CHL1: variants seen among roughly 807,000 people sequenced by gnomAD.
CHL1 encodes the protein cell adhesion molecule L1 like, also known as neural cell adhesion molecule L1-like protein.
CHL1 carries 96 observed loss-of-function variants against 141.9 expected under a neutral mutation model. The observed-to-expected ratio is 0.68, with a 90% confidence interval of 0.57 to 0.80. CHL1 has a LOEUF of 0.80. CHL1 is among the 30% of genes least tolerant of loss of function. CHL1 has a pLI of 0.00. For missense variants in CHL1, 1,820 were observed against 1,457.2 expected, an observed-to-expected ratio of 1.25 and a Z score of -4.05; for synonymous variants, 613 against 502.2, an observed-to-expected ratio of 1.22 and a Z score of -2.95.
intron 24 of CHL1, among the ~76,000 whole-genome samples, chr3:395,968 G>A (rs1353434084): frequency 6.6e-6 from 1 of 152,148 alleles, no homozygotes; most frequent in African/African-American, 2.4e-5. Context: ...TGTGTGAATG[G>A]TTATGCTCTG....
chr3:319,189 G>T (rs1328941663), intron 2 of CHL1, among the ~76,000 whole-genome samples: 1 of 151,568 alleles, frequency 6.6e-6, no homozygotes, highest in Non-Finnish European at 1.5e-5. Flanking sequence ...TGGACATAAA[G>T]ATAAGAATAA....
At chr3:235,532 C>G (rs972722285) in intron 1 of CHL1, among the ~76,000 whole-genome samples, 1 of 152,110 alleles carries the variant, frequency 6.6e-6, no homozygotes, top group Non-Finnish European at 1.5e-5. Flanking sequence ...AACTTGCCCA[C>G]AATTAACTGG....
At chr3:320,612 A>G (rs1700485375) in intron 3 of CHL1, among the ~76,000 whole-genome samples, 1 of 152,050 alleles carries the variant, frequency 6.6e-6, no homozygotes, top group Non-Finnish European at 1.5e-5. Context: ...GCCTGAGCCC[A>G]GGAGTTCAAG....
intron 14 of CHL1, among the ~76,000 whole-genome samples, chr3:364,289 C>G (rs1026211018): frequency 6.6e-6 from 1 of 152,182 alleles, no homozygotes; most frequent in Non-Finnish European, 1.5e-5. Context: ...CTCAAATACT[C>G]TCCCACAATA....
At chr3:306,704 G>A (rs532650624) in intron 2 of CHL1, among the ~76,000 whole-genome samples, 13 of 152,086 alleles carry the variant, frequency 8.5e-5, no homozygotes, top group African/African-American at 2.9e-4. Context: ...AAAAAATAAT[G>A]CAAAAAATAA....
intron 16 of CHL1, among the ~76,000 whole-genome samples, chr3:380,259 A>G (rs1308009330): frequency 6.6e-6 from 1 of 152,196 alleles, no homozygotes; most frequent in Non-Finnish European, 1.5e-5. Context: ...ACATTTTTTA[A>G]AAAACATGTT....
At chr3:242,850 C>A (rs1288781174) in intron 1 of CHL1, among the ~76,000 whole-genome samples, 1 of 152,184 alleles carries the variant, frequency 6.6e-6, no homozygotes, top group Non-Finnish European at 1.5e-5. Flanking sequence ...TAGCTACAGT[C>A]TCCATGCCTA....
At chr3:268,402 G>GT (rs1456426946) in intron 2 of CHL1, among the ~76,000 whole-genome samples, 2 of 152,078 alleles carry the variant, frequency 1.3e-5, no homozygotes, top group Non-Finnish European at 2.9e-5. Flanking sequence ...AGGCACAGTG[G>GT]TGGGCACCTG....
intron 2 of CHL1, among the ~76,000 whole-genome samples, chr3:250,165 A>G (rs182990537): frequency 4.1e-4 from 63 of 152,000 alleles, no homozygotes; most frequent in African/African-American, 1.3e-3. Flanking sequence ...GGGTCACACT[A>G]TGTTGCCCAG....
At chr3:244,792 A>G (rs150463544) in intron 2 of CHL1, 100 bp downstream of exon 2, 2 of 152,134 alleles carry the variant, frequency 1.3e-5, no homozygotes, top group Admixed American at 1.3e-4. Flanking sequence ...GGATAAGGAG[A>G]CGTTGCAGAA....
intron 2 of CHL1, among the ~76,000 whole-genome samples, chr3:258,886 A>T (rs1694430372): frequency 6.6e-6 from 1 of 151,586 alleles, no homozygotes; most frequent in African/African-American, 2.4e-5. Flanking sequence ...TTTTATAAAG[A>T]AGGTACTACA....
chr3:326,064 C>T lies in CHL1; in HGVS notation c.197C>T (p.Thr66Ile), dbSNP rs536020096. 242 of 1,591,628 alleles carry T rather than the reference C, an allele frequency of 1.5e-4. No individual in the cohort carries two copies. Among genetic ancestry groups the T allele is most frequent in the Non-Finnish European group, 1.9e-4 (223 of 1,161,076 alleles). ...ECEAKGNPEPTFSWTKDGNPF... is the reference protein window; with the variant it reads ...ECEAKGNPEPIFSWTKDGNPF... ...GAAGCTAAAGGAAATCCAGAACCAA[C>T]GTGAGTATTGTTTCAAACGAAGTGG... The change falls in exon 4 of 28, where the codon ACA becomes ATA. Residue 66 changes from threonine (T) to isoleucine (I), a missense_variant and splice_region_variant. Coordinates refer to ENST00000256509, the MANE Select transcript of CHL1 (RefSeq NM_006614.4).
intron 2 of CHL1, among the ~76,000 whole-genome samples, chr3:317,092 T>C (rs1022381232): frequency 2.0e-5 from 3 of 152,034 alleles, no homozygotes; most frequent in Non-Finnish European, 4.4e-5. Flanking sequence ...TCTAATAATT[T>C]TTATGTTGTA....
intron 27 of CHL1, among the ~76,000 whole-genome samples, chr3:404,391 T>C (rs1040303859): frequency 2.0e-5 from 3 of 152,172 alleles, no homozygotes; most frequent in Admixed American, 6.6e-5. Context: ...TTCCAAATGC[T>C]TCATTGATCA....
In CHL1 at chr3:405,714, A is replaced by C; in HGVS notation, c.*3A>C. 1 of 1,608,880 alleles carries C rather than the reference A, an allele frequency of 6.2e-7. No individual in the cohort carries two copies. Among genetic ancestry groups the C allele is most frequent in the Non-Finnish European group, 8.5e-7 (1 of 1,175,496 alleles). ...CAACTTTTCCCCTTCGGGCATAAAC[A>C]CAACATATGTAAGCAACGCTACTGG... On this transcript the variant is annotated 3_prime_UTR_variant, in exon 28 of 28. Coordinates refer to ENST00000256509, the MANE Select transcript of CHL1 (RefSeq NM_006614.4).
At position 391,238 on chromosome 3, in the gene CHL1, G is replaced by A. The variant is rs116362406; in HGVS notation, c.2791+79G>A. 4.0e-4 allele frequency: 458 copies of A among 1,134,618 alleles called. 2 individuals are homozygous for A. The African/African-American group carries it at 6.0e-3, about 15-fold the overall frequency. The allele number at this position is 1,134,618 out of a possible 1,614,324, so 70.3% of individuals were successfully genotyped here. On this transcript the variant is annotated intron_variant, in intron 22 of 27. Transcript: ENST00000256509. The stretch of plus-strand genomic sequence containing the variant: ...TATTAAACATTCTTCCTTATGGCCA[G>A]GCACAGTGGCTCATGCCTGTAAATC...
chr3:282,528 C>A (rs944812914), intron 2 of CHL1, among the ~76,000 whole-genome samples: 8 of 152,100 alleles, frequency 5.3e-5, no homozygotes, highest in African/African-American at 1.9e-4. Context: ...TGCAGGACTG[C>A]TAGTAAGAAA....
At chr3:223,018 A>G (rs147378963) in intron 1 of CHL1, among the ~76,000 whole-genome samples, 99 of 152,246 alleles carry the variant, frequency 6.5e-4, no homozygotes, top group African/African-American at 2.3e-3. Flanking sequence ...CTTGTTATAC[A>G]TTGGCCCACC....
At position 389,292 on chromosome 3, in the gene CHL1, A is replaced by G; in HGVS notation, c.2288A>G (p.Tyr763Cys). ...SMEQNGPGLE[Y>C]RVTWKPQGAP... ...GAGCAGAATGGACCAGGCCTAGAGT[A>G]CAGAGTGACCTGGAAGCCACAGGGA... The change falls in exon 20 of 28, where the codon TAC becomes TGC. Residue 763 changes from tyrosine (Y) to cysteine (C), a missense_variant. Tyr to Cys is a radical substitution (Grantham distance 194). Transcript: ENST00000256509. 1.2e-6 allele frequency: 2 copies of G among 1,613,766 alleles called. No individual in the cohort carries two copies. Among genetic ancestry groups the G allele is most frequent in the Non-Finnish European group, 1.7e-6 (2 of 1,179,856 alleles).
Sources: allele counts gnomAD v4.1 joint callset (sites outside exome capture counted in the v4.1 genomes callset), GRCh38; gene constraint gnomAD v4.1.1; transcripts MANE v1.5; gene names NCBI Gene and HGNC (gene_info 2026-07-23, HGNC 2026-07-21).